ZNF385B: variants seen among roughly 807,000 people sequenced by gnomAD.
ZNF385B encodes zinc finger protein 533.
In ZNF385B, 23 loss-of-function variants were observed where a neutral mutation model predicts 39.2. The ratio of observed to expected loss-of-function variants is 0.59; its 90% confidence interval spans 0.42 to 0.83. The LOEUF (loss-of-function observed/expected upper bound fraction) is 0.83. Among genes scored for constraint, ZNF385B ranks in the 40% least tolerant of loss-of-function variants. The pLI is 0.00. For missense variants in ZNF385B, 552 were observed against 598.9 expected, an observed-to-expected ratio of 0.92 and a Z score of 0.82; for synonymous variants, 205 against 222.6, an observed-to-expected ratio of 0.92 and a Z score of 0.70.
At chr2:179,726,392 G>C (rs1701020840) in intron 3 of ZNF385B, among the ~76,000 whole-genome samples, 1 of 151,968 alleles carries the variant, frequency 6.6e-6, no homozygotes, top group Non-Finnish European at 1.5e-5. Flanking sequence ...AATTATATAA[G>C]TTTGGAATCA....
chr2:179,482,760 C>T (rs886149203), intron 6 of ZNF385B, among the ~76,000 whole-genome samples: 17 of 152,146 alleles, frequency 1.1e-4, no homozygotes, highest in Non-Finnish European at 2.4e-4. Context: ...TTACTAAGCA[C>T]ATTTCCAGAT....
chr2:179,766,727 C>G (rs2106498098), intron 3 of ZNF385B, among the ~76,000 whole-genome samples: 1 of 152,214 alleles, frequency 6.6e-6, no homozygotes, highest in Admixed American at 6.5e-5. Context: ...GACCCTAGCT[C>G]TAAATAAGGT....
chr2:179,537,166 C>T (rs937761685), intron 4 of ZNF385B, among the ~76,000 whole-genome samples: 3 of 151,264 alleles, frequency 2.0e-5, no homozygotes, highest in Admixed American at 6.6e-5. Context: ...CAAAATTAAC[C>T]GGGCACATGC....
At chr2:179,573,799 A>G (rs1014989159) in intron 3 of ZNF385B, among the ~76,000 whole-genome samples, 1 of 152,154 alleles carries the variant, frequency 6.6e-6, no homozygotes, top group Non-Finnish European at 1.5e-5. Context: ...CAGCAGTGCC[A>G]AAGTTACTCA....
intron 5 of ZNF385B, among the ~76,000 whole-genome samples, chr2:179,495,676 T>G (rs2056128994): frequency 6.6e-6 from 1 of 152,126 alleles, no homozygotes; most frequent in African/African-American, 2.4e-5. Flanking sequence ...CCTATATGTT[T>G]GGGAGAAATT....
At chr2:179,599,212 A>G (rs1163789468) in intron 3 of ZNF385B, among the ~76,000 whole-genome samples, 3 of 152,196 alleles carry the variant, frequency 2.0e-5, no homozygotes. Flanking sequence ...AGACTAAGGG[A>G]CTTGCTCAGA....
intron 1 of ZNF385B, among the ~76,000 whole-genome samples, chr2:179,800,608 T>C (rs16867000): frequency 0.033 from 5,095 of 152,198 alleles, 100 homozygotes; most frequent in African/African-American, 0.066. Flanking sequence ...AATTAAATCT[T>C]GCATGCTGCC....
chr2:179,454,456 T>G, intron 6 of ZNF385B, among the ~76,000 whole-genome samples: 1 of 152,320 alleles, frequency 6.6e-6, no homozygotes. Context: ...TTTATATATT[T>G]ACTATACTAT....
intron 5 of ZNF385B, among the ~76,000 whole-genome samples, chr2:179,505,002 A>G (rs1367200815): frequency 6.6e-6 from 1 of 152,060 alleles, no homozygotes; most frequent in Non-Finnish European, 1.5e-5. Context: ...TCCAAACCAC[A>G]TCACTGTATA....
intron 3 of ZNF385B, among the ~76,000 whole-genome samples, chr2:179,552,426 C>G (rs2060634423): frequency 6.7e-6 from 1 of 149,250 alleles, no homozygotes; most frequent in African/African-American, 2.5e-5. Context: ...ATGTTCCCAT[C>G]AGTGAGTACT....
intron 1 of ZNF385B, among the ~76,000 whole-genome samples, chr2:179,838,931 G>GGT (rs370578093): frequency 0.012 from 1,855 of 150,098 alleles, 47 homozygotes; most frequent in African/African-American, 0.043. Flanking sequence ...AAAAAAAAGG[G>GGT]GGGGGGGCAT....
intron 3 of ZNF385B, among the ~76,000 whole-genome samples, chr2:179,638,621 T>G (rs140869566): frequency 6.0e-4 from 91 of 152,250 alleles, no homozygotes; most frequent in African/African-American, 2.1e-3. Flanking sequence ...AATACTGCTG[T>G]GTATGTGTGT....
At chr2:179,514,344 A>T (rs955819177) in intron 5 of ZNF385B, 1 of 152,198 alleles carries the variant, frequency 6.6e-6, no homozygotes, top group Admixed American at 6.5e-5. Flanking sequence ...CCTTGTGATT[A>T]CCTTGGGACC....
chr2:179,715,548 T>C (rs881737), intron 3 of ZNF385B, among the ~76,000 whole-genome samples: 46,553 of 151,950 alleles, frequency 0.31, 7,441 homozygotes, highest in East Asian at 0.5. Flanking sequence ...CTAATGAATA[T>C]CCCATACCTC....
intron 1 of ZNF385B, among the ~76,000 whole-genome samples, chr2:179,820,125 T>C (rs1395917696): frequency 6.6e-6 from 1 of 152,066 alleles, no homozygotes; most frequent in Non-Finnish European, 1.5e-5. Context: ...TTTTTTTCAT[T>C]GATGTGTTTT....
intron 3 of ZNF385B, among the ~76,000 whole-genome samples, chr2:179,619,253 T>C (rs1690012098): frequency 6.6e-6 from 1 of 152,212 alleles, no homozygotes; most frequent in Non-Finnish European, 1.5e-5. Flanking sequence ...AGGGTCTCCA[T>C]GAAGCTGATA....
At chr2:179,745,938 T>C in intron 3 of ZNF385B, 10 of 1,234,690 alleles carry the variant, frequency 8.1e-6, no homozygotes, top group Non-Finnish European at 1.0e-5. Flanking sequence ...ATCCTTTACA[T>C]GCTGGCAACA....
intron 5 of ZNF385B, 28 bp downstream of exon 5, chr2:179,518,500 C>T (rs763847005): frequency 2.0e-6 from 3 of 1,481,308 alleles, no homozygotes; most frequent in Non-Finnish European, 2.8e-6. Context: ...TGACAAACTA[C>T]AGAGAATAAT....
chr2:179,737,546 C>T lies in ZNF385B; in HGVS notation c.298+31957G>A, dbSNP rs572112237. 3.3e-5 allele frequency among the ~76,000 whole-genome samples: 5 copies of T among 152,220 alleles called. No individual in the cohort carries two copies. In the South Asian group the frequency reaches 8.3e-4, roughly 25 times the overall value. On this transcript the variant is annotated intron_variant, in intron 3 of 9. Transcript: ENST00000410066. ...TTAGGTTTTAACTTTCAGACCCTAACTTTTATTAAGACATCTATGATTGAA... is the reference window on the plus strand; with the variant it reads ...TTAGGTTTTAACTTTCAGACCCTAATTTTTATTAAGACATCTATGATTGAA...
Sources: gnomAD v4.1 joint callset for allele counts (sites outside exome capture counted in the v4.1 genomes callset) on GRCh38, gnomAD v4.1.1 for gene constraint, MANE v1.5 for transcripts, NCBI Gene and HGNC (gene_info 2026-07-23, HGNC 2026-07-21) for gene names.